SSBP3: variants seen among roughly 807,000 people sequenced by gnomAD.
SSBP3 encodes single-stranded DNA-binding protein 3.
In SSBP3, 5 loss-of-function variants were observed where a neutral mutation model predicts 69.6. That is an observed-to-expected ratio of 0.07 (90% CI 0.04 to 0.15). The LOEUF (loss-of-function observed/expected upper bound fraction) is 0.15. Among genes scored for constraint, SSBP3 ranks in the 10% least tolerant of loss-of-function variants. SSBP3 has a pLI of 1.00. For synonymous variants in SSBP3, 196 were observed against 193.4 expected (o/e 1.01, Z -0.11); for missense variants, 312 against 534.0 (o/e 0.58, Z 4.10).
At chr1:54,305,785 C>T (rs1298237738) in intron 4 of SSBP3, among the ~76,000 whole-genome samples, 2 of 150,640 alleles carry the variant, frequency 1.3e-5, no homozygotes. Context: ...AAAAGACACG[C>T]CATAGGTGGA....
chr1:54,299,140 C>A (rs979181451), intron 4 of SSBP3, among the ~76,000 whole-genome samples: 11 of 152,076 alleles, frequency 7.2e-5, no homozygotes, highest in African/African-American at 2.7e-4. Flanking sequence ...GTGCAGGTTG[C>A]AGGCCAGGCT....
chr1:54,405,795 C>T (rs1649697262), intron 1 of SSBP3, among the ~76,000 whole-genome samples, 158 bp downstream of exon 1: 1 of 150,816 alleles, frequency 6.6e-6, no homozygotes, highest in Non-Finnish European at 1.5e-5. Flanking sequence ...CGCCGCCCGC[C>T]GCGGCCTCGG....
chr1:54,270,645 CTT>C (rs1645177316), intron 5 of SSBP3, among the ~76,000 whole-genome samples: 1 of 152,184 alleles, frequency 6.6e-6, no homozygotes, highest in Non-Finnish European at 1.5e-5. Context: ...TGAGGCAGCT[CTT>C]GTTCTTGGGT....
intron 1 of SSBP3, 38 bp downstream of exon 1, chr1:54,405,915 G>A (rs1466670894): frequency 6.0e-6 from 6 of 995,210 alleles, no homozygotes; most frequent in Non-Finnish European, 3.8e-6. Context: ...CCCGCAGCCC[G>A]GCGGCGGCGC....
intron 14 of SSBP3, 121 bp downstream of exon 14, chr1:54,239,008 T>G (rs1040956568): frequency 6.0e-5 from 54 of 906,174 alleles, no homozygotes; most frequent in Admixed American, 4.1e-4. Flanking sequence ...TGACGGTTTA[T>G]TTTATTCATC....
chr1:54,383,466 G>A (rs535039879), intron 4 of SSBP3, among the ~76,000 whole-genome samples: 2 of 152,100 alleles, frequency 1.3e-5, no homozygotes, highest in African/African-American at 2.4e-5. Context: ...ACAGATAAGA[G>A]CCATTCACAA....
exon 13 of SSBP3, chr1:54,240,953 G>C (rs1156924615): frequency 1.2e-6 from 2 of 1,609,854 alleles, no homozygotes; most frequent in South Asian, 1.1e-5. Flanking sequence ...CCACCACCAG[G>C]GGGTCCCTAA....
At chr1:54,263,948 G>A (rs946763897) in intron 5 of SSBP3, among the ~76,000 whole-genome samples, 2 of 152,234 alleles carry the variant, frequency 1.3e-5, no homozygotes, top group Non-Finnish European at 2.9e-5. Flanking sequence ...GATTCTTGGA[G>A]CTGGATGGAA....
chr1:54,229,449 G>T (rs1340502502), intron 14 of SSBP3, among the ~76,000 whole-genome samples: 1 of 152,176 alleles, frequency 6.6e-6, no homozygotes, highest in Admixed American at 6.5e-5. Flanking sequence ...GAGTGGTGGG[G>T]AAGAGAGAGC....
chr1:54,302,708 C>T (rs192378087), intron 4 of SSBP3, among the ~76,000 whole-genome samples: 30 of 152,314 alleles, frequency 2.0e-4, no homozygotes, highest in African/African-American at 6.0e-4. Context: ...CTCACCACTT[C>T]GAGAACACTG....
intron 4 of SSBP3, among the ~76,000 whole-genome samples, chr1:54,344,257 G>A (rs556521001): frequency 1.4e-4 from 21 of 152,250 alleles, no homozygotes; most frequent in South Asian, 2.1e-4. Flanking sequence ...TTTTGTTTAC[G>A]TTTATTATCT....
chr1:54,378,159 A>G (rs1253051250), intron 4 of SSBP3, among the ~76,000 whole-genome samples: 1 of 152,192 alleles, frequency 6.6e-6, no homozygotes, highest in Admixed American at 6.5e-5. Flanking sequence ...CAGAGTTCCC[A>G]TTTTTATAAC....
intron 4 of SSBP3, among the ~76,000 whole-genome samples, chr1:54,297,369 C>A (rs1645720626): frequency 6.6e-6 from 1 of 152,232 alleles, no homozygotes; most frequent in Non-Finnish European, 1.5e-5. Context: ...GTGGCTCACG[C>A]CTGTAATCCC....
intron 5 of SSBP3, among the ~76,000 whole-genome samples, chr1:54,261,870 G>C (rs965112982): frequency 2.0e-5 from 3 of 152,100 alleles, no homozygotes; most frequent in Non-Finnish European, 4.4e-5. Flanking sequence ...CATCTGCCCA[G>C]GGGTCACCTG....
exon 12 of SSBP3, chr1:54,241,503 A>G: frequency 6.2e-7 from 1 of 1,614,106 alleles, no homozygotes; most frequent in South Asian, 1.1e-5. Context: ...GAGGAGGAGT[A>G]TGGAATCTAA....
intron 4 of SSBP3, among the ~76,000 whole-genome samples, chr1:54,330,454 C>T (rs1423208197): frequency 1.3e-5 from 2 of 152,154 alleles, no homozygotes; most frequent in Non-Finnish European, 2.9e-5. Flanking sequence ...ATGGCTATAC[C>T]AAGTTCTTTC....
chr1:54,407,643 G>A (rs1270895925), upstream of SSBP3, among the ~76,000 whole-genome samples: 1 of 152,074 alleles, frequency 6.6e-6, no homozygotes, highest in East Asian at 1.9e-4. Context: ...AACACTGTCG[G>A]CACTGTCTCT....
At chr1:54,354,144 C>G (rs1932888613) in intron 4 of SSBP3, among the ~76,000 whole-genome samples, 1 of 152,214 alleles carries the variant, frequency 6.6e-6, no homozygotes, top group Non-Finnish European at 1.5e-5. Context: ...AAGCCTGGAG[C>G]CAGCGCATAC....
At chr1:54,411,751 G>T (rs1040998636) in intron 1 of SSBP3, among the ~76,000 whole-genome samples, 1 of 152,000 alleles carries the variant, frequency 6.6e-6, no homozygotes, top group African/African-American at 2.4e-5. Context: ...AATTAGCTGG[G>T]CATGGTGGCG....
Sources: allele counts gnomAD v4.1 joint callset (sites outside exome capture counted in the v4.1 genomes callset), GRCh38; gene constraint gnomAD v4.1.1; transcripts MANE v1.5; gene names NCBI Gene and HGNC (gene_info 2026-07-23, HGNC 2026-07-21).